The following PTPRD variants were observed in gnomAD, a reference collection of about 807,000 sequenced individuals.
The protein encoded by PTPRD is receptor-type tyrosine-protein phosphatase delta.
A neutral mutation model predicts 214.5 loss-of-function variants in PTPRD; 34 were observed. The observed-to-expected ratio is 0.16, with a 90% CI of 0.12 to 0.21. The LOEUF is 0.21. Ranked by LOEUF, PTPRD falls within the 10% of genes least tolerant of loss-of-function variation. PTPRD has a pLI of 1.00. For synonymous variants in PTPRD, 1,128 were observed against 845.7 expected (o/e 1.33, Z -5.79); for missense variants, 2,545 against 2,398.7 (o/e 1.06, Z -1.27).
chr9:9,343,799 C>T (rs1236982306), intron 9 of PTPRD, among the ~76,000 whole-genome samples: 1 of 151,498 alleles, frequency 6.6e-6, no homozygotes, highest in African/African-American at 2.4e-5. Flanking sequence ...TTAAAAATAG[C>T]AATGAAATGA....
At chr9:8,376,958 G>A (rs2083429569) in intron 37 of PTPRD, among the ~76,000 whole-genome samples, 1 of 152,088 alleles carries the variant, frequency 6.6e-6, no homozygotes, top group Non-Finnish European at 1.5e-5. Flanking sequence ...CAATTTTCCT[G>A]GAGAAAAATA....
chr9:10,326,640 A>G (rs1280836946), intron 3 of PTPRD, among the ~76,000 whole-genome samples: 1 of 151,620 alleles, frequency 6.6e-6, no homozygotes, highest in Non-Finnish European at 1.5e-5. Flanking sequence ...AAAATATCAA[A>G]AATTATTGCT....
intron 9 of PTPRD, among the ~76,000 whole-genome samples, chr9:9,263,904 C>T (rs1044706332): frequency 5.3e-5 from 8 of 151,430 alleles, no homozygotes; most frequent in African/African-American, 1.9e-4. Context: ...GCATATCAAT[C>T]CCCTGTAATT....
rs16929393 is a variant in PTPRD, at chr9:9,439,992, G to A, written c.-236-42510C>T. On this transcript the variant is annotated intron_variant, in intron 8 of 45. Coordinates refer to ENST00000381196, the MANE Select transcript of PTPRD (RefSeq NM_002839.4). ...TCATGACATAGTAAAGTCACTACAA[G>A]TCAAAGTCTATACCTCCAGCTTCAT... is the stretch of plus-strand genomic sequence containing the variant. Among the ~76,000 whole-genome samples, 355 of 152,294 alleles carry A rather than the reference G, an allele frequency of 2.3e-3. 20 individuals carry two copies. In the East Asian group the frequency reaches 0.054, roughly 23 times the overall value.
chr9:9,204,967 G>A (rs536691521), intron 9 of PTPRD, among the ~76,000 whole-genome samples: 1 of 152,244 alleles, frequency 6.6e-6, no homozygotes, highest in African/African-American at 2.4e-5. Context: ...TTAAAGAAAA[G>A]GTGAAGTGTG....
intron 2 of PTPRD, among the ~76,000 whole-genome samples, chr9:10,507,928 C>T (rs1365548449): frequency 6.6e-6 from 1 of 152,158 alleles, no homozygotes; most frequent in African/African-American, 2.4e-5. Flanking sequence ...GCAATGGCAA[C>T]AAAAGCCAAA....
chr9:8,563,595 C>A (rs1412074009), intron 14 of PTPRD, among the ~76,000 whole-genome samples: 2 of 151,912 alleles, frequency 1.3e-5, no homozygotes, highest in African/African-American at 4.8e-5. Context: ...TGCCGCCACA[C>A]CTGGCTAATT....
intron 3 of PTPRD, among the ~76,000 whole-genome samples, chr9:10,098,743 C>T (rs1476757129): frequency 1.3e-5 from 2 of 151,718 alleles, no homozygotes; most frequent in Admixed American, 6.6e-5. Context: ...AAGAGCTGAC[C>T]TATTATCCTA....
chr9:9,717,932 TA>T (rs5896351), intron 7 of PTPRD, among the ~76,000 whole-genome samples: 117,408 of 151,994 alleles, frequency 0.77, 46,000 homozygotes, highest in African/African-American at 0.9. Flanking sequence ...AGACTTGAAA[TA>T]AAAAAATCCA....
chr9:9,082,954 A>T (rs1343154484), intron 10 of PTPRD, among the ~76,000 whole-genome samples: 1 of 152,216 alleles, frequency 6.6e-6, no homozygotes, highest in African/African-American at 2.4e-5. Flanking sequence ...AAGAATCAAT[A>T]TCATGAAAAT....
At chr9:10,172,535 G>T (rs1057180326) in intron 3 of PTPRD, among the ~76,000 whole-genome samples, 1 of 152,134 alleles carries the variant, frequency 6.6e-6, no homozygotes, top group African/African-American at 2.4e-5. Flanking sequence ...CTCCATGTGA[G>T]CCACTACATC....
chr9:9,062,637 A>G (rs112642713), intron 10 of PTPRD, among the ~76,000 whole-genome samples: 65 of 152,276 alleles, frequency 4.3e-4, no homozygotes, highest in Non-Finnish European at 6.6e-4. Flanking sequence ...TCCAAAATTT[A>G]GCTGATTAAG....
chr9:10,116,765 G>A (rs755613139), intron 3 of PTPRD, among the ~76,000 whole-genome samples: 32 of 152,014 alleles, frequency 2.1e-4, no homozygotes, highest in Admixed American at 5.9e-4. Context: ...GTGAAGTTCT[G>A]TAGCCTTTTG....
At chr9:8,734,272 T>A (rs1411311787) in intron 11 of PTPRD, among the ~76,000 whole-genome samples, 2 of 152,220 alleles carry the variant, frequency 1.3e-5, no homozygotes, top group Non-Finnish European at 2.9e-5. Flanking sequence ...GAACTGTCAC[T>A]TCTTATGAAA....
chr9:9,101,392 G>C (rs573662787), intron 10 of PTPRD, among the ~76,000 whole-genome samples: 17 of 152,200 alleles, frequency 1.1e-4, no homozygotes, highest in African/African-American at 4.1e-4. Flanking sequence ...TTTTCTGGCA[G>C]CTCTATAAAA....
rs578253567 is a variant in PTPRD at position 8,589,349 on chromosome 9, T to C, written c.352+43968A>G. Among the ~76,000 whole-genome samples, 16 of 152,296 alleles carry C rather than the reference T, an allele frequency of 1.1e-4. No homozygotes were observed. In the South Asian group the frequency reaches 2.9e-3, roughly 28 times the overall value. On this transcript the variant is annotated intron_variant, in intron 14 of 45. Transcript: ENST00000381196. Reference sequence around the variant, plus strand: ...TAACATTTAATGTAGCAAAATACTCTAGATATGGTTCTCGTAAGTCCTGGA... The same window carrying C: ...TAACATTTAATGTAGCAAAATACTCCAGATATGGTTCTCGTAAGTCCTGGA...
intron 9 of PTPRD, among the ~76,000 whole-genome samples, chr9:9,371,528 G>T: frequency 1.3e-5 from 2 of 151,974 alleles, no homozygotes; most frequent in African/African-American, 4.8e-5. Flanking sequence ...TCTTGCTAGT[G>T]GTCTATCAGT....
rs148726737 is a variant in PTPRD at position 9,159,582 on chromosome 9, C to A, written c.-143+23722G>T. 3.5e-4 allele frequency among the ~76,000 whole-genome samples: 53 copies of A among 152,090 alleles called. 1 individual carries two copies. Among genetic ancestry groups the A allele is most frequent in the African/African-American group, 1.2e-3 (48 of 41,512 alleles). On this transcript the variant is annotated intron_variant, in intron 10 of 45. Transcript: ENST00000381196. The stretch of plus-strand genomic sequence containing the variant: ...AAAATACAAATCAGTAGAATAATAT[C>A]CTGTGTTCATGGATTGGAAGAACTA...
intron 9 of PTPRD, among the ~76,000 whole-genome samples, chr9:9,297,844 CAG>C (rs1263339612): frequency 1.3e-5 from 2 of 151,566 alleles, no homozygotes; most frequent in African/African-American, 4.8e-5. Context: ...GGGACTTACA[CAG>C]AGATAACTAT....
Sources: allele counts gnomAD v4.1 joint callset (sites outside exome capture counted in the v4.1 genomes callset), GRCh38; gene constraint gnomAD v4.1.1; transcripts MANE v1.5; gene names NCBI Gene and HGNC (gene_info 2026-07-23, HGNC 2026-07-21).